Variants in ADAM9 observed in about 807,000 individuals in gnomAD.
The protein encoded by ADAM9 is ADAM metallopeptidase domain 9.
In ADAM9, 54 loss-of-function variants were observed where a neutral mutation model predicts 108.1. The observed-to-expected ratio is 0.50, with a 90% CI of 0.40 to 0.63. The LOEUF is 0.63. ADAM9 is among the 20% of genes least tolerant of loss of function. The probability of loss-of-function intolerance (pLI) is 0.00; values close to 1 mark genes in which losing one functional copy is unlikely to be tolerated. For missense variants in ADAM9, 830 were observed against 997.7 expected (o/e 0.83, Z 2.26); for synonymous variants, 316 against 336.0 (o/e 0.94, Z 0.65).
intron 1 of ADAM9, among the ~76,000 whole-genome samples, chr8:38,997,471 A>C (rs1170428920): frequency 6.6e-6 from 1 of 152,078 alleles, no homozygotes; most frequent in African/African-American, 2.4e-5. Flanking sequence ...GACGCCCCGA[A>C]ACCCGCTCTG....
At chr8:39,022,148 G>T (rs1481692593) in intron 8 of ADAM9, among the ~76,000 whole-genome samples, 11 of 151,402 alleles carry the variant, frequency 7.3e-5, no homozygotes, top group Non-Finnish European at 1.6e-4. Flanking sequence ...TGAGATTTTG[G>T]AGTTCATCCG....
At chr8:39,079,666 C>A (rs1437508624) in intron 16 of ADAM9, among the ~76,000 whole-genome samples, 1 of 149,700 alleles carries the variant, frequency 6.7e-6, no homozygotes, top group Non-Finnish European at 1.5e-5. Flanking sequence ...CTCAGTGCAA[C>A]CTCCGCCTCC....
At chr8:39,076,073 A>G (rs1308977489) in intron 15 of ADAM9, 1 of 152,224 alleles carries the variant, frequency 6.6e-6, no homozygotes, top group Non-Finnish European at 1.5e-5. Flanking sequence ...TATAAAAGCT[A>G]TTGTAATCTT....
intron 19 of ADAM9, among the ~76,000 whole-genome samples, chr8:39,090,460 GCTCAGC>G (rs1235530694): frequency 6.6e-6 from 1 of 152,024 alleles, no homozygotes; most frequent in Non-Finnish European, 1.5e-5. Flanking sequence ...GAGCCTCCAC[GCTCAGC>G]CTATATTAAA....
intron 1 of ADAM9, among the ~76,000 whole-genome samples, chr8:38,998,552 T>TCAAAGTTC (rs1406771421): frequency 6.6e-6 from 1 of 152,220 alleles, no homozygotes; most frequent in Non-Finnish European, 1.5e-5. Context: ...GTATGCCCCT[T>TCAAAGTTC]CAAAGTTTAG....
At chr8:39,098,956 GAT>G (rs1189225276) in intron 20 of ADAM9, among the ~76,000 whole-genome samples, 2 of 151,836 alleles carry the variant, frequency 1.3e-5, no homozygotes, top group Non-Finnish European at 2.9e-5. Flanking sequence ...AATTTTTGTT[GAT>G]ATATATATAT....
rs946033995 is a variant in ADAM9, at chr8:39,014,780, G to A, written c.333+737G>A. ...TTGCTATGTTGAATTGTTTCTGTTG[G>A]TAGCGCACTTTTGCAGCATTCTTCA... On this transcript the variant is annotated intron_variant, in intron 4 of 21. Transcript: ENST00000487273. 33 of 458,850 alleles carry A rather than the reference G, an allele frequency of 7.2e-5. 1 individual carries two copies. In the South Asian group the frequency reaches 8.0e-4, roughly 11 times the overall value. 28.4% of individuals were successfully genotyped at this position (458,850 alleles called of 1,614,324 possible).
rs562355993 is a variant in ADAM9, at chr8:39,105,159, A to G, written c.*1459A>G. Reference sequence around the variant, plus strand: ...GTGCACAATGGCTTTTTGTTAATAAAGAACAGATTAGTTTTGAAGAAGGCA... The same window carrying G: ...GTGCACAATGGCTTTTTGTTAATAAGGAACAGATTAGTTTTGAAGAAGGCA... On this transcript the variant is annotated 3_prime_UTR_variant, in exon 22 of 22. Transcript: ENST00000487273. 6.9e-6 allele frequency: 3 copies of G among 433,242 alleles called. No homozygotes were observed. The highest frequency in any genetic ancestry group is 2.0e-5 in the African/African-American group (1 of 49,036). The allele number at this position is 433,242 out of a possible 1,614,324, so 26.8% of individuals were successfully genotyped here. A position where few individuals can be genotyped will look rare whatever the true frequency, so the allele number is the denominator to read the frequency against.
At position 39,013,637 on chromosome 8, in the gene ADAM9, G is replaced by T. The variant is rs181978584; in HGVS notation, c.255-328G>T. On this transcript the variant is annotated intron_variant, in intron 3 of 21. Coordinates refer to ENST00000487273, the MANE Select transcript of ADAM9 (RefSeq NM_003816.3). Reference sequence around the variant, plus strand: ...CCCACCTTAGCTTCCTGAGTAGCTGGGACTATATGTGTGTGCCACTATGCC... The same window carrying T: ...CCCACCTTAGCTTCCTGAGTAGCTGTGACTATATGTGTGTGCCACTATGCC... Among the ~76,000 whole-genome samples the T allele has an allele frequency of 1.3e-3, 193 of 151,802 alleles. 1 individual carries two copies. The highest frequency in any genetic ancestry group is 8.5e-4 in the Non-Finnish European group (58 of 67,928).
intron 11 of ADAM9, among the ~76,000 whole-genome samples, chr8:39,038,004 C>G (rs545740099): frequency 6.6e-6 from 1 of 152,140 alleles, no homozygotes; most frequent in African/African-American, 2.4e-5. Flanking sequence ...GGGAGTCATT[C>G]TTGATTTCTC....
At chr8:39,005,516 G>A (rs1207646754) in intron 1 of ADAM9, among the ~76,000 whole-genome samples, 2 of 152,188 alleles carry the variant, frequency 1.3e-5, no homozygotes, top group Admixed American at 6.5e-5. Context: ...CTGATATAGG[G>A]TCACTAACTG....
At chr8:39,046,104 A>G (rs1837764928) in intron 12 of ADAM9, among the ~76,000 whole-genome samples, 1 of 152,202 alleles carries the variant, frequency 6.6e-6, no homozygotes, top group Admixed American at 6.5e-5. Flanking sequence ...ATCCATGAAC[A>G]TAGGATGTCT....
At chr8:39,054,619 A>AT (rs767148503) in intron 13 of ADAM9, 46 bp downstream of exon 13, 1 of 1,514,988 alleles carries the variant, frequency 6.6e-7, no homozygotes, top group South Asian at 1.2e-5. Context: ...AAAAAAAAAA[A>AT]AAAGAAAACC....
At chr8:39,035,038 A>G (rs748649783) in intron 11 of ADAM9, among the ~76,000 whole-genome samples, 3 of 152,090 alleles carry the variant, frequency 2.0e-5, no homozygotes, top group Non-Finnish European at 4.4e-5. Context: ...GTGTCTGCAC[A>G]TTTGCTGTCT....
chr8:39,065,659 CAAAAAA>C (rs33990237), intron 14 of ADAM9, among the ~76,000 whole-genome samples: 9 of 72,876 alleles, frequency 1.2e-4, no homozygotes, highest in Non-Finnish European at 2.5e-5. Context: ...GGCTACATCT[CAAAAAA>C]AAAAAAAAAA....
intron 3 of ADAM9, among the ~76,000 whole-genome samples, chr8:39,013,566 G>A (rs1223395946): frequency 6.7e-6 from 1 of 148,910 alleles, no homozygotes; most frequent in African/African-American, 2.5e-5. Flanking sequence ...GCAGAGGCAT[G>A]ATCATAGCTC....
intron 14 of ADAM9, 101 bp downstream of exon 14, chr8:39,055,873 C>T: frequency 1.7e-6 from 2 of 1,206,156 alleles, no homozygotes; most frequent in Non-Finnish European, 2.3e-6. Context: ...AGTTGAGGCT[C>T]TCTTGTTTCT....
At chr8:39,065,065 C>T (rs1306077802) in intron 14 of ADAM9, among the ~76,000 whole-genome samples, 1 of 151,824 alleles carries the variant, frequency 6.6e-6, no homozygotes, top group African/African-American at 2.4e-5. Context: ...TTTTTTAGTT[C>T]TGGAAATTTC....
intron 1 of ADAM9, among the ~76,000 whole-genome samples, chr8:39,003,657 T>C (rs1393595082): frequency 6.6e-6 from 1 of 152,208 alleles, no homozygotes; most frequent in African/African-American, 2.4e-5. Flanking sequence ...TCCCCCAGTA[T>C]GTGCATTTGT....
Sources: gnomAD v4.1 joint callset for allele counts (sites outside exome capture counted in the v4.1 genomes callset) on GRCh38, gnomAD v4.1.1 for gene constraint, MANE v1.5 for transcripts, NCBI Gene and HGNC (gene_info 2026-07-23, HGNC 2026-07-21) for gene names.